Variants in TSPEAR observed in about 807,000 individuals in gnomAD.
TSPEAR encodes the protein thrombospondin-type laminin G domain and EAR repeat-containing protein.
Under a neutral mutation model 71.6 loss-of-function variants are expected in TSPEAR, and 69 were observed. The ratio of observed to expected loss-of-function variants is 0.96; its 90% CI spans 0.79 to 1.18. The LOEUF (loss-of-function observed/expected upper bound fraction) is 1.18, where lower values mean the gene tolerates loss of function less well. Among genes scored for constraint, TSPEAR ranks in the 50% most tolerant of loss-of-function variants. The pLI is 0.00. For missense variants in TSPEAR, 971 were observed against 894.9 expected, an observed-to-expected ratio of 1.09 and a Z score of -1.09; for synonymous variants, 402 against 387.2, an observed-to-expected ratio of 1.04 and a Z score of -0.45.
chr21:44,682,103 G>A, intron 1 of TSPEAR: 15 of 1,613,828 alleles, frequency 9.3e-6, no homozygotes, highest in Non-Finnish European at 1.3e-5. Context: ...GGCAGCCCGA[G>A]GAGCAGCTGG....
chr21:44,627,471 C>G, intron 1 of TSPEAR: 1 of 1,560,452 alleles, frequency 6.4e-7, no homozygotes, highest in Non-Finnish European at 8.7e-7. Flanking sequence ...AGGCCTGCTG[C>G]GTGCCCGTCT....
intron 1 of TSPEAR, among the ~76,000 whole-genome samples, chr21:44,699,959 C>A (rs1987574434): frequency 6.6e-6 from 1 of 152,154 alleles, no homozygotes; most frequent in Non-Finnish European, 1.5e-5. Flanking sequence ...TGCCAGATAT[C>A]TTTGGGGTCT....
intron 1 of TSPEAR, among the ~76,000 whole-genome samples, chr21:44,667,256 G>A (rs1274386434): frequency 2.0e-5 from 3 of 152,106 alleles, no homozygotes; most frequent in Admixed American, 1.3e-4. Flanking sequence ...GTGTGATGAT[G>A]GTCCTTAAAC....
intron 1 of TSPEAR, among the ~76,000 whole-genome samples, chr21:44,572,824 G>T (rs1237269056): frequency 7.3e-6 from 1 of 136,680 alleles, no homozygotes; most frequent in African/African-American, 2.8e-5. Context: ...TTATAAAAAG[G>T]GGAGATTTGG....
intron 1 of TSPEAR, chr21:44,575,418 G>T (rs1001026883): frequency 7.0e-5 from 16 of 227,120 alleles, no homozygotes; most frequent in Non-Finnish European, 1.2e-4. Flanking sequence ...CACGGCCATG[G>T]TTTTCTCCTT....
At position 44,687,898 on chromosome 21, in the gene TSPEAR, AC is replaced by A. The variant is rs1308983498; in HGVS notation, c.82+23534del. Among the ~76,000 whole-genome samples the A allele has an allele frequency of 6.6e-6, 1 of 152,118 alleles. No individual in the cohort carries two copies. Among genetic ancestry groups the A allele is most frequent in the East Asian group, 1.9e-4 (1 of 5,194 alleles). On this transcript the variant is annotated intron_variant, in intron 1 of 11. Transcript: ENST00000323084. This position sits in a 1 kb window ranked among gnomAD's most constrained non-coding sequence, Gnocchi z 4.4. ...TGTGAGTGAAGTGTGCGGTTGCTGC[AC>A]CTTCCCCTGCAGTGCCTGTGAAATA...
rs587650460 is a variant in TSPEAR at position 44,616,284 on chromosome 21, C to T, written c.83-48279G>A. 3.9e-5 allele frequency among the ~76,000 whole-genome samples: 6 copies of T among 152,302 alleles called. No individual in the cohort carries two copies. The South Asian group carries it at 1.2e-3, about 32-fold the overall frequency. ...AGGGGAGGTGGACGCTCTCACGGTG[C>T]CCTTTTGTCTCTAAAGCGGGGAGAG... On this transcript the variant is annotated intron_variant, in intron 1 of 11. Coordinates refer to ENST00000323084, the MANE Select transcript of TSPEAR (RefSeq NM_144991.3).
rs782701652 is a variant in TSPEAR, at chr21:44,529,948, C to T, written c.640G>A (p.Val214Met). Residue 214 changes from valine (V) to methionine (M), a missense_variant, in exon 5 of 12, where the codon GTG becomes ATG. By Grantham distance (21) the Val-to-Met change is conservative. Coordinates refer to ENST00000323084, the MANE Select transcript of TSPEAR (RefSeq NM_144991.3). The stretch of plus-strand genomic sequence containing the variant: ...CCCGGCAGCAGGACCAGTTGCCTCA[C>T]CAGTCCCTGCAGAGAGAGGGACAGC... ...RRAKGLFMGL[V>M]RQLVLLPGSD... 15 of 1,597,628 alleles carry T rather than the reference C, an allele frequency of 9.4e-6. No homozygotes were observed. The South Asian group carries it at 1.5e-4, about 15-fold the overall frequency.
At chr21:44,638,174 C>T in intron 1 of TSPEAR, 1 of 1,606,062 alleles carries the variant, frequency 6.2e-7, no homozygotes. Flanking sequence ...CAGCTGCTGA[C>T]AGCCCTGGAT....
chr21:44,550,634 C>T (rs2053397577), intron 2 of TSPEAR: 1 of 1,593,852 alleles, frequency 6.3e-7, no homozygotes, highest in South Asian at 1.1e-5. Flanking sequence ...GCTGGGAGGT[C>T]CAAGGACTGG....
rs782454723 is a variant in TSPEAR at position 44,540,108 on chromosome 21, C to T, written c.304-6185G>A. 118 of 1,613,552 alleles carry T rather than the reference C, an allele frequency of 7.3e-5. No homozygotes were observed. The highest frequency in any genetic ancestry group is 9.7e-5 in the Non-Finnish European group (114 of 1,179,922). On this transcript the variant is annotated intron_variant, in intron 2 of 11. Transcript: ENST00000323084. ...GGGCAGGCATCCACCTGCCAGGAGT[C>T]GGAGCAAGCGCTGGAGCAGACGGAC...
intron 2 of TSPEAR, among the ~76,000 whole-genome samples, chr21:44,563,597 C>A (rs1459986820): frequency 2.0e-5 from 3 of 148,254 alleles, no homozygotes; most frequent in South Asian, 4.3e-4. Flanking sequence ...ACAAAAAAAA[C>A]CCATAAACCC....
chr21:44,563,826 T>C (rs2053670531), intron 2 of TSPEAR, among the ~76,000 whole-genome samples: 2 of 152,220 alleles, frequency 1.3e-5, no homozygotes, highest in African/African-American at 4.8e-5. Flanking sequence ...GTTATATATG[T>C]TTAATAATTA....
intron 10 of TSPEAR, chr21:44,508,598 C>A: frequency 8.5e-7 from 1 of 1,178,332 alleles, no homozygotes; most frequent in Non-Finnish European, 1.1e-6. Flanking sequence ...TCTCAGTGCC[C>A]ACTGTCCAAA....
intron 1 of TSPEAR, among the ~76,000 whole-genome samples, chr21:44,653,788 G>A (rs1984952736): frequency 1.3e-5 from 2 of 152,200 alleles, no homozygotes; most frequent in African/African-American, 2.4e-5. Context: ...TGTGACTGGG[G>A]TTGGGGGTTC....
intron 2 of TSPEAR, among the ~76,000 whole-genome samples, chr21:44,562,157 A>G (rs2053644656): frequency 6.6e-6 from 1 of 152,210 alleles, no homozygotes; most frequent in Non-Finnish European, 1.5e-5. Flanking sequence ...ATCAATGTGC[A>G]AAAATCACAA....
intron 9 of TSPEAR, chr21:44,516,698 T>G (rs1555913485): frequency 1.3e-5 from 2 of 152,250 alleles, no homozygotes; most frequent in Non-Finnish European, 2.9e-5. Flanking sequence ...GATTTCTATG[T>G]CGGGATGACC....
At chr21:44,601,363 G>A (rs189556050) in intron 1 of TSPEAR, 22 of 1,608,958 alleles carry the variant, frequency 1.4e-5, no homozygotes, top group Middle Eastern at 3.3e-4. Flanking sequence ...TGATGATTCC[G>A]GTTCATGCTG....
chr21:44,591,340 G>A, intron 1 of TSPEAR: 1 of 1,558,688 alleles, frequency 6.4e-7, no homozygotes, highest in Non-Finnish European at 8.7e-7. Flanking sequence ...GGGCAGCTGG[G>A]AGGTCAGCCC....
Sources: gnomAD v4.1 joint callset for allele counts (sites outside exome capture counted in the v4.1 genomes callset) on GRCh38, gnomAD v4.1.1 for gene constraint, Gnocchi (gnomAD v3.1) non-coding constraint, MANE v1.5 for transcripts, NCBI Gene and HGNC (gene_info 2026-07-23, HGNC 2026-07-21) for gene names.